Variants in MYO19 observed in about 807,000 individuals in gnomAD.
The protein encoded by MYO19 is myosin XIX, also known as unconventional myosin-XIX.
In MYO19, 132 loss-of-function variants were observed where a neutral mutation model predicts 129.2. The ratio of observed to expected loss-of-function variants is 1.02; its 90% CI spans 0.89 to 1.18. MYO19 has a LOEUF of 1.18. MYO19 is among the 50% of genes most tolerant of loss of function. MYO19 has a pLI of 0.00. For missense variants in MYO19, 1,210 were observed against 1,216.7 expected, an observed-to-expected ratio of 0.99 and a Z score of 0.08; for synonymous variants, 531 against 477.2, an observed-to-expected ratio of 1.11 and a Z score of -1.47.
At chr17:36,511,543 G>T in intron 11 of MYO19, 88 bp from the exon 12 acceptor site, 1 of 1,163,118 alleles carries the variant, frequency 8.6e-7, no homozygotes, top group Non-Finnish European at 1.3e-6. Flanking sequence ...GTACAATCAC[G>T]ACAGCAGAAG....
intron 18 of MYO19, among the ~76,000 whole-genome samples, chr17:36,506,181 A>G (rs2071871293): frequency 6.6e-6 from 1 of 152,120 alleles, no homozygotes; most frequent in African/African-American, 2.4e-5. Flanking sequence ...CATGTAGCTG[A>G]TCCTCTTCCC....
chr17:36,525,667 G>A (rs940380051), intron 5 of MYO19, among the ~76,000 whole-genome samples: 6 of 152,050 alleles, frequency 3.9e-5, no homozygotes, highest in African/African-American at 4.8e-5. Context: ...TGCAAAGTTC[G>A]TATAAACTAC....
chr17:36,528,497 C>A (rs1342577290), intron 3 of MYO19, among the ~76,000 whole-genome samples: 56 of 145,732 alleles, frequency 3.8e-4, no homozygotes, highest in African/African-American at 1.2e-3. Flanking sequence ...GGCGACAGAG[C>A]AAGACTCTGT....
rs774430248 is a variant in MYO19 at position 36,495,946 on chromosome 17, G to A, written c.*305C>T. ...CTTATGTGGAATTGGGATCCCCAGT[G>A]TAGTGACAGACAGTCATGACTGCTG... On this transcript the variant is annotated 3_prime_UTR_variant, in exon 26 of 26. Coordinates refer to ENST00000614623, the MANE Select transcript of MYO19 (RefSeq NM_001163735.2). 16 of 995,244 alleles carry A rather than the reference G, an allele frequency of 1.6e-5. No individual in the cohort carries two copies. Among genetic ancestry groups the A allele is most frequent in the South Asian group, 4.7e-5 (1 of 21,410 alleles). 61.7% of individuals were successfully genotyped at this position (995,244 alleles called of 1,614,324 possible).
In MYO19 at chr17:36,532,693, G is replaced by A; in HGVS notation, c.-143-12C>T. On this transcript the variant is annotated splice_polypyrimidine_tract_variant and intron_variant, in intron 2 of 25. Coordinates refer to ENST00000614623, the MANE Select transcript of MYO19 (RefSeq NM_001163735.2). ...AGTCACTCCAGCGCCTGTGGCATGA[G>A]AGAGAAGACAAGGACCACACACAGG... The A allele has an allele frequency of 1.1e-6, 1 of 881,032 alleles. No individual in the cohort carries two copies. Among genetic ancestry groups the A allele is most frequent in the East Asian group, 2.6e-5 (1 of 37,764 alleles). 54.6% of individuals were successfully genotyped at this position (881,032 alleles called of 1,614,324 possible). A position where few individuals can be genotyped will look rare whatever the true frequency, so the allele number is the denominator to read the frequency against.
Position 36,505,421 on chromosome 17 carries a change from A to T in MYO19, c.1798-17T>A. ...CAGTGAGGCCTGCAGATGAGAGACCATGGGGTTAGGCAGGGAGAGGGGCTG... is the reference window on the plus strand; with the variant it reads ...CAGTGAGGCCTGCAGATGAGAGACCTTGGGGTTAGGCAGGGAGAGGGGCTG... On this transcript the variant is annotated splice_polypyrimidine_tract_variant and intron_variant, in intron 18 of 25. Coordinates refer to ENST00000614623, the MANE Select transcript of MYO19 (RefSeq NM_001163735.2). The T allele has an allele frequency of 6.2e-7, 1 of 1,608,466 alleles. No individual in the cohort carries two copies. The highest frequency in any genetic ancestry group is 8.5e-7 in the Non-Finnish European group (1 of 1,175,358).
chr17:36,500,641 G>C (rs2071449703), intron 23 of MYO19, 189 bp downstream of exon 23: 1 of 738,566 alleles, frequency 1.4e-6, no homozygotes, highest in Admixed American at 3.0e-5. Context: ...GAGTGACTTG[G>C]TTTCCATTGA....
intron 5 of MYO19, 62 bp downstream of exon 5, chr17:36,527,489 T>C: frequency 1.3e-6 from 2 of 1,557,574 alleles, no homozygotes; most frequent in Middle Eastern, 1.8e-4. Flanking sequence ...CAGGGGTAAC[T>C]GCAAAGAGGT....
At chr17:36,529,337 G>GATGTCAACCCTTTCCAC (rs555883941) in intron 3 of MYO19, among the ~76,000 whole-genome samples, 48 of 152,072 alleles carry the variant, frequency 3.2e-4, no homozygotes, top group African/African-American at 1.1e-3. Context: ...GCCCATTCTT[G>GATGTCAACCCTTTCCAC]ATGTATCATC....
At position 36,501,073 on chromosome 17, in the gene MYO19, G is replaced by GAGTC. The variant is rs768240462; in HGVS notation, c.2239_2242dup (p.Ser748Ter). ...CTCATCCCCAAACCAGCTCACCATA[G>GAGTC]AGTCAGTCATGAACACCTTGGTCCT... On this transcript the variant is annotated stop_gained and frameshift_variant, in exon 22 of 26. Coordinates refer to ENST00000614623, the MANE Select transcript of MYO19 (RefSeq NM_001163735.2). LOFTEE classifies it high-confidence loss of function. The GAGTC allele has an allele frequency of 6.2e-7, 1 of 1,611,532 alleles. No individual in the cohort carries two copies. Among genetic ancestry groups the GAGTC allele is most frequent in the Non-Finnish European group, 8.5e-7 (1 of 1,178,064 alleles).
At chr17:36,544,322 G>A (rs1247702790), upstream of MYO19, among the ~76,000 whole-genome samples, 1 of 152,190 alleles carries the variant, frequency 6.6e-6, no homozygotes, top group African/African-American at 2.4e-5. Context: ...ATGCAGCTAC[G>A]CAGCGGGCCC....
At chr17:36,515,378 G>A (rs1253030013) in intron 7 of MYO19, among the ~76,000 whole-genome samples, 196 bp from the exon 8 acceptor site, 1 of 152,150 alleles carries the variant, frequency 6.6e-6, no homozygotes, top group Non-Finnish European at 1.5e-5. Context: ...AGGGGAGTTA[G>A]AAGAAATTCC....
At position 36,495,728 on chromosome 17, in the gene MYO19, TAATA is replaced by T; in HGVS notation, c.*519_*522del. ...ATATGGAGTTAAACTTGGTCAGTGT[TAATA>T]AAATCAAAACGTGATTCTACTGTAC... On this transcript the variant is annotated 3_prime_UTR_variant, in exon 26 of 26. Transcript: ENST00000614623. 8.0e-7 allele frequency: 1 copy of T among 1,247,724 alleles called. No individual in the cohort carries two copies. Among genetic ancestry groups the T allele is most frequent in the Non-Finnish European group, 1.0e-6 (1 of 997,378 alleles). The allele number at this position is 1,247,724 out of a possible 1,614,324, so 77.3% of individuals were successfully genotyped here. A position where few individuals can be genotyped will look rare whatever the true frequency, so the allele number is the denominator to read the frequency against.
intron 25 of MYO19, 133 bp downstream of exon 25, chr17:36,498,133 G>A: frequency 1.1e-6 from 1 of 918,874 alleles, no homozygotes; most frequent in East Asian, 2.6e-5. Flanking sequence ...GGGACATGCA[G>A]CCCTCTGGTT....
At chr17:36,508,977 C>T (rs1232757187) in intron 14 of MYO19, 85 bp downstream of exon 14, 3 of 1,187,484 alleles carry the variant, frequency 2.5e-6, no homozygotes, top group African/African-American at 1.5e-5. Flanking sequence ...CAGAGTCACA[C>T]AGTGGACCCA....
At chr17:36,500,692 ATCCC>A in intron 23 of MYO19, 134 bp downstream of exon 23, 1 of 1,221,216 alleles carries the variant, frequency 8.2e-7, no homozygotes, top group Admixed American at 2.8e-5. Context: ...GGGAATTTGA[ATCCC>A]AGCACACCAC....
intron 2 of MYO19, among the ~76,000 whole-genome samples, chr17:36,540,333 C>T (rs1287078983): frequency 1.3e-5 from 2 of 150,450 alleles, no homozygotes; most frequent in Non-Finnish European, 3.0e-5. Flanking sequence ...TTACAGGCGT[C>T]GTGATCCTGG....
intron 6 of MYO19, among the ~76,000 whole-genome samples, chr17:36,518,527 AATAT>A (rs1555581707): frequency 1.1e-3 from 46 of 41,468 alleles, no homozygotes; most frequent in African/African-American, 3.8e-3. Flanking sequence ...AAAAAAAAAA[AATAT>A]ATATATATAT....
At chr17:36,538,579 T>C (rs144246473), upstream of MYO19, 254 of 1,612,808 alleles carry the variant, frequency 1.6e-4, no homozygotes, top group Non-Finnish European at 2.0e-4. Flanking sequence ...ATTGTATATG[T>C]ACTATATTTG....
Sources: gnomAD v4.1 joint callset for allele counts (sites outside exome capture counted in the v4.1 genomes callset) on GRCh38, gnomAD v4.1.1 for gene constraint, MANE v1.5 for transcripts, NCBI Gene and HGNC (gene_info 2026-07-23, HGNC 2026-07-21) for gene names.